CSMD1: variants seen among roughly 807,000 people sequenced by gnomAD.
The protein encoded by CSMD1 is CUB and Sushi multiple domains 1.
In CSMD1, 213 loss-of-function variants were observed where a neutral mutation model predicts 417.5. The observed-to-expected ratio is 0.51, with a 90% CI of 0.46 to 0.57. The LOEUF (loss-of-function observed/expected upper bound fraction) is 0.57, where lower values mean the gene tolerates loss of function less well. CSMD1 is among the 20% of genes least tolerant of loss of function. The pLI is 0.00. For missense variants in CSMD1, 6,923 were observed against 4,529.7 expected (o/e 1.53, Z -15.17); for synonymous variants, 2,862 against 1,736.8 (o/e 1.65, Z -16.11).
intron 1 of CSMD1, among the ~76,000 whole-genome samples, chr8:4,769,780 T>C (rs10503280): frequency 0.44 from 66,813 of 151,958 alleles, 15,145 homozygotes; most frequent in Admixed American, 0.6. Context: ...TTTTACAATG[T>C]GAATTGCCAC....
At chr8:4,813,785 G>C (rs770916283) in intron 1 of CSMD1, among the ~76,000 whole-genome samples, 14 of 152,184 alleles carry the variant, frequency 9.2e-5, no homozygotes, top group African/African-American at 3.1e-4. Flanking sequence ...ACTGTTGCTT[G>C]AGAATGTCTA....
At chr8:3,660,931 G>A (rs1438845165) in intron 7 of CSMD1, among the ~76,000 whole-genome samples, 1 of 152,162 alleles carries the variant, frequency 6.6e-6, no homozygotes, top group African/African-American at 2.4e-5. Flanking sequence ...AGTTTCTTGA[G>A]TTCCTGCACA....
chr8:3,451,636 C>T (rs1347430446), intron 12 of CSMD1, among the ~76,000 whole-genome samples: 1 of 152,084 alleles, frequency 6.6e-6, no homozygotes, highest in Non-Finnish European at 1.5e-5. Flanking sequence ...AGATATATGG[C>T]ATTATTTCTG....
intron 7 of CSMD1, among the ~76,000 whole-genome samples, chr8:3,630,579 T>C (rs76015469): frequency 0.045 from 6,812 of 152,226 alleles, 183 homozygotes; most frequent in Middle Eastern, 0.14. Context: ...GAGGAGGATG[T>C]TGAAGTCATT....
intron 5 of CSMD1, among the ~76,000 whole-genome samples, chr8:3,800,496 C>T (rs1563093712): frequency 1.3e-5 from 2 of 152,238 alleles, no homozygotes; most frequent in Middle Eastern, 6.8e-3. Context: ...ATTTGGATCC[C>T]TACCTCACAC....
intron 12 of CSMD1, among the ~76,000 whole-genome samples, chr8:3,432,177 G>T (rs913046261): frequency 6.6e-6 from 1 of 152,040 alleles, no homozygotes; most frequent in Non-Finnish European, 1.5e-5. Context: ...TCTTAATCTG[G>T]GCATTATAAT....
chr8:3,018,357 C>T (rs1809041957), intron 52 of CSMD1, 120 bp downstream of exon 52: 2 of 859,194 alleles, frequency 2.3e-6, no homozygotes, highest in East Asian at 2.6e-5. Flanking sequence ...GGAGGTGCAG[C>T]ATTTCCACCC....
chr8:4,341,546 T>G (rs1459068025), intron 3 of CSMD1, among the ~76,000 whole-genome samples: 4 of 152,102 alleles, frequency 2.6e-5, no homozygotes, highest in Non-Finnish European at 5.9e-5. Flanking sequence ...AAACATTATT[T>G]TTCCTACAGT....
chr8:4,429,260 C>A (rs867586796), intron 2 of CSMD1, among the ~76,000 whole-genome samples: 12 of 151,940 alleles, frequency 7.9e-5, no homozygotes, highest in Non-Finnish European at 1.6e-4. Context: ...TTTCAACAGT[C>A]CTATCACTTC....
chr8:4,469,389 G>T (rs569747524), intron 2 of CSMD1, among the ~76,000 whole-genome samples: 132 of 152,268 alleles, frequency 8.7e-4, no homozygotes, highest in African/African-American at 2.9e-3. Flanking sequence ...AAAACGGCTG[G>T]TGTCAGCATT....
At chr8:4,601,881 C>T (rs1800607443) in intron 2 of CSMD1, among the ~76,000 whole-genome samples, 1 of 152,162 alleles carries the variant, frequency 6.6e-6, no homozygotes, top group Non-Finnish European at 1.5e-5. Context: ...TGGAGCAGGG[C>T]ACAGCCTGGA....
intron 5 of CSMD1, among the ~76,000 whole-genome samples, chr8:3,871,023 C>A (rs978969688): frequency 6.6e-6 from 1 of 151,690 alleles, no homozygotes; most frequent in Admixed American, 6.6e-5. Flanking sequence ...TAAAAAAATT[C>A]AATACATATA....
chr8:4,687,872 G>A (rs934733507), intron 1 of CSMD1, among the ~76,000 whole-genome samples: 1 of 151,446 alleles, frequency 6.6e-6, no homozygotes, highest in Non-Finnish European at 1.5e-5. Flanking sequence ...CTCATCTCCT[G>A]CATGCCTGTG....
At chr8:3,959,853 A>G (rs1022923639) in intron 5 of CSMD1, among the ~76,000 whole-genome samples, 3 of 152,206 alleles carry the variant, frequency 2.0e-5, no homozygotes, top group Non-Finnish European at 4.4e-5. Context: ...AAAACTTTCT[A>G]TATTGTGAGG....
chr8:3,766,448 T>A (rs1026649202), intron 5 of CSMD1, among the ~76,000 whole-genome samples: 1 of 152,134 alleles, frequency 6.6e-6, no homozygotes, highest in Non-Finnish European at 1.5e-5. Context: ...CTACTGTCTG[T>A]GAAGACAGGC....
intron 20 of CSMD1, among the ~76,000 whole-genome samples, chr8:3,365,545 T>G (rs966989044): frequency 7.9e-5 from 12 of 152,214 alleles, no homozygotes; most frequent in Non-Finnish European, 1.6e-4. Flanking sequence ...CATTGACAAT[T>G]TTTTGGAGAT....
At chr8:4,631,522 T>C (rs1281172696) in intron 2 of CSMD1, among the ~76,000 whole-genome samples, 3 of 152,026 alleles carry the variant, frequency 2.0e-5, no homozygotes, top group African/African-American at 4.8e-5. Flanking sequence ...ATGATCCTAA[T>C]GTAATTGAGA....
chr8:4,526,745 C>G (rs1796531308), intron 2 of CSMD1, among the ~76,000 whole-genome samples: 1 of 152,158 alleles, frequency 6.6e-6, no homozygotes, highest in East Asian at 1.9e-4. Context: ...TGATAAATAA[C>G]AGGTTACGTT....
At chr8:4,770,707 G>T (rs1430647815) in intron 1 of CSMD1, among the ~76,000 whole-genome samples, 1 of 137,120 alleles carries the variant, frequency 7.3e-6, no homozygotes, top group African/African-American at 2.6e-5. Context: ...AGGATACAAT[G>T]GGGAAAGAAT....
Sources: allele counts gnomAD v4.1 joint callset (sites outside exome capture counted in the v4.1 genomes callset), GRCh38; gene constraint gnomAD v4.1.1; transcripts MANE v1.5; gene names NCBI Gene and HGNC (gene_info 2026-07-23, HGNC 2026-07-21).